SGCZ: variants seen among roughly 807,000 people sequenced by gnomAD.
The protein encoded by SGCZ is sarcoglycan zeta, also known as zeta-sarcoglycan.
SGCZ carries 40 observed loss-of-function variants against 41.3 expected under a neutral mutation model. The observed-to-expected ratio is 0.97, with a 90% confidence interval of 0.75 to 1.26. The LOEUF is 1.26. SGCZ is among the 50% of genes most tolerant of loss of function. SGCZ has a pLI of 0.00. For synonymous variants in SGCZ, 206 were observed against 137.5 expected (o/e 1.50, Z -3.49); for missense variants, 552 against 369.8 (o/e 1.49, Z -4.04).
intron 2 of SGCZ, among the ~76,000 whole-genome samples, chr8:14,374,128 G>C (rs987612196): frequency 6.6e-6 from 1 of 152,060 alleles, no homozygotes; most frequent in Non-Finnish European, 1.5e-5. Context: ...CTATAATCCC[G>C]GCACTTTGGA....
chr8:14,923,943 G>A (rs1307124541), intron 1 of SGCZ, among the ~76,000 whole-genome samples: 4 of 152,252 alleles, frequency 2.6e-5, no homozygotes, highest in African/African-American at 9.6e-5. Context: ...AGCCTTCTCA[G>A]AGCTTCCCTT....
chr8:14,267,020 C>T (rs1563222849), intron 3 of SGCZ, among the ~76,000 whole-genome samples: 1 of 152,058 alleles, frequency 6.6e-6, no homozygotes. Context: ...GCTCATAAAT[C>T]ATATCATCTT....
At chr8:15,027,933 G>A (rs986323628) in intron 1 of SGCZ, among the ~76,000 whole-genome samples, 83 of 152,126 alleles carry the variant, frequency 5.5e-4, no homozygotes, top group African/African-American at 2.0e-3. Flanking sequence ...AAAAACCTAT[G>A]AGGTTTGAAT....
chr8:14,711,598 TAAAAAAAAAA>T (rs200467876), intron 1 of SGCZ, among the ~76,000 whole-genome samples: 2 of 80,290 alleles, frequency 2.5e-5, no homozygotes, highest in Non-Finnish European at 4.8e-5. Flanking sequence ...TGAGACTCTG[TAAAAAAAAAA>T]AAAAAAAAAA....
At position 14,176,847 on chromosome 8, in the gene SGCZ, A is replaced by G. The variant is rs191215755; in HGVS notation, c.425-12145T>C. ...AGAGCCAGAAAATTAGCTGAAAAGCAATTTGGAGACAGGAGGCAGTGAGGA... is the reference window on the plus strand; with the variant it reads ...AGAGCCAGAAAATTAGCTGAAAAGCGATTTGGAGACAGGAGGCAGTGAGGA... On this transcript the variant is annotated intron_variant, in intron 4 of 7. Transcript: ENST00000382080. Among the ~76,000 whole-genome samples the G allele has an allele frequency of 5.9e-5, 9 of 152,320 alleles. No individual in the cohort carries two copies. The East Asian group carries it at 1.7e-3, about 29-fold the overall frequency.
intron 1 of SGCZ, among the ~76,000 whole-genome samples, chr8:15,104,359 T>A (rs1054684231): frequency 6.6e-6 from 1 of 152,148 alleles, no homozygotes; most frequent in African/African-American, 2.4e-5. Flanking sequence ...CAAGGATTTG[T>A]AAAGTCATGC....
At chr8:14,624,555 A>ATTATT (rs1438250019) in intron 1 of SGCZ, among the ~76,000 whole-genome samples, 10 of 96,252 alleles carry the variant, frequency 1.0e-4, no homozygotes, top group East Asian at 3.9e-4. Context: ...TATTATTATT[A>ATTATT]TTTTTTTTTT....
chr8:14,965,784 A>G (rs1428396784), intron 1 of SGCZ, among the ~76,000 whole-genome samples: 5 of 152,206 alleles, frequency 3.3e-5, no homozygotes, highest in Non-Finnish European at 5.9e-5. Flanking sequence ...GTGAAAGAAT[A>G]TAAATATCCA....
chr8:14,168,436 G>C (rs1443944545), intron 4 of SGCZ, among the ~76,000 whole-genome samples: 2 of 152,146 alleles, frequency 1.3e-5, no homozygotes, highest in African/African-American at 2.4e-5. Context: ...CCCAGTGGGA[G>C]GTAATTGGAT....
At chr8:14,750,007 G>A (rs1325381643) in intron 1 of SGCZ, among the ~76,000 whole-genome samples, 2 of 152,130 alleles carry the variant, frequency 1.3e-5, no homozygotes, top group Non-Finnish European at 2.9e-5. Flanking sequence ...CAAACTCTCC[G>A]TTAGAAGATC....
At position 14,582,657 on chromosome 8, in the gene SGCZ, C is replaced by G. The variant is rs189404575; in HGVS notation, c.40-27731G>C. 9.9e-5 allele frequency among the ~76,000 whole-genome samples: 11 copies of G among 111,148 alleles called. No homozygotes were observed. In the South Asian group the frequency reaches 2.3e-3, roughly 24 times the overall value. The allele number at this position is 111,148 out of a possible 152,430, so 72.9% of individuals were successfully genotyped here. A position where few individuals can be genotyped will look rare whatever the true frequency, so the allele number is the denominator to read the frequency against. On this transcript the variant is annotated intron_variant, in intron 1 of 7. Coordinates refer to ENST00000382080, the MANE Select transcript of SGCZ (RefSeq NM_139167.4). ...ATATCTCCTAATGCTATCCCTCCCC[C>G]CTCCCCCCACCCCACAACAGTCCCC... is the stretch of plus-strand genomic sequence containing the variant.
chr8:14,327,046 G>T (rs1802144603), intron 2 of SGCZ, among the ~76,000 whole-genome samples: 1 of 152,168 alleles, frequency 6.6e-6, no homozygotes, highest in Admixed American at 6.5e-5. Flanking sequence ...ATTGAAGCAT[G>T]ACAAGGAAAG....
At chr8:14,169,033 C>G (rs1319778399) in intron 4 of SGCZ, among the ~76,000 whole-genome samples, 1 of 152,136 alleles carries the variant, frequency 6.6e-6, no homozygotes, top group Non-Finnish European at 1.5e-5. Context: ...ACGTAATGCA[C>G]TCTAGAGTTA....
chr8:14,431,112 A>G (rs572683662), intron 2 of SGCZ, among the ~76,000 whole-genome samples: 10 of 152,278 alleles, frequency 6.6e-5, no homozygotes, highest in Non-Finnish European at 1.3e-4. Flanking sequence ...TGACCTCACT[A>G]TCAAAAGCAA....
intron 1 of SGCZ, among the ~76,000 whole-genome samples, chr8:14,610,813 T>C (rs1432046897): frequency 1.3e-5 from 2 of 152,212 alleles, no homozygotes; most frequent in African/African-American, 4.8e-5. Flanking sequence ...TTCACACAGA[T>C]ACTTCATCTT....
chr8:14,570,046 C>T (rs1804504599), intron 1 of SGCZ, among the ~76,000 whole-genome samples: 2 of 150,602 alleles, frequency 1.3e-5, no homozygotes, highest in South Asian at 4.2e-4. Flanking sequence ...TGATTTGTTT[C>T]TTTTTGGAAG....
At chr8:15,014,807 T>A (rs1349784598) in intron 1 of SGCZ, among the ~76,000 whole-genome samples, 1 of 152,196 alleles carries the variant, frequency 6.6e-6, no homozygotes, top group Non-Finnish European at 1.5e-5. Context: ...CACAATTCTG[T>A]CCAGACAATT....
intron 1 of SGCZ, among the ~76,000 whole-genome samples, chr8:14,998,873 GAT>G (rs1179484656): frequency 6.6e-6 from 1 of 152,134 alleles, no homozygotes; most frequent in Non-Finnish European, 1.5e-5. Flanking sequence ...CCTAGCTATT[GAT>G]ATGGGTTACT....
At chr8:14,992,197 G>C (rs370696043) in intron 1 of SGCZ, among the ~76,000 whole-genome samples, 5 of 149,782 alleles carry the variant, frequency 3.3e-5, no homozygotes, top group African/African-American at 9.8e-5. Context: ...TGTTATCCTT[G>C]ATATTTACCT....
Sources: gnomAD v4.1 joint callset for allele counts (sites outside exome capture counted in the v4.1 genomes callset) on GRCh38, gnomAD v4.1.1 for gene constraint, MANE v1.5 for transcripts, NCBI Gene and HGNC (gene_info 2026-07-23, HGNC 2026-07-21) for gene names.